SSBP3: variants seen among roughly 807,000 people sequenced by gnomAD.
SSBP3 encodes single stranded DNA binding protein 3.
A neutral mutation model predicts 69.6 loss-of-function variants in SSBP3; 5 were observed. The ratio of observed to expected loss-of-function variants is 0.07; its 90% CI spans 0.04 to 0.15. The LOEUF (loss-of-function observed/expected upper bound fraction) is 0.15, where lower values mean the gene tolerates loss of function less well. Among genes scored for constraint, SSBP3 ranks in the 10% least tolerant of loss-of-function variants. The pLI is 1.00. For missense variants in SSBP3, 312 were observed against 534.0 expected (o/e 0.58, Z 4.10); for synonymous variants, 196 against 193.4 (o/e 1.01, Z -0.11).
At chr1:54,231,840 G>A (rs1644384058) in intron 14 of SSBP3, among the ~76,000 whole-genome samples, 1 of 152,010 alleles carries the variant, frequency 6.6e-6, no homozygotes, top group African/African-American at 2.4e-5. Flanking sequence ...GACTACAGGT[G>A]CGCGCCACCA....
At chr1:54,252,870 G>A (rs907449037) in intron 7 of SSBP3, among the ~76,000 whole-genome samples, 6 of 152,224 alleles carry the variant, frequency 3.9e-5, no homozygotes, top group Admixed American at 3.3e-4. Context: ...TTCCTCATCT[G>A]CAGGTGTCAG....
intron 4 of SSBP3, among the ~76,000 whole-genome samples, chr1:54,283,361 C>A (rs1645431803): frequency 6.6e-6 from 1 of 151,998 alleles, no homozygotes; most frequent in South Asian, 2.1e-4. Context: ...CACTAATATA[C>A]TGCATGCAAC....
intron 4 of SSBP3, among the ~76,000 whole-genome samples, chr1:54,289,048 A>C (rs1248390862): frequency 2.4e-5 from 3 of 123,746 alleles, no homozygotes; most frequent in East Asian, 2.0e-4. Flanking sequence ...AAAAAAACAA[A>C]AAAAAAAAAC....
At chr1:54,249,013 C>A (rs1644780237) in intron 9 of SSBP3, among the ~76,000 whole-genome samples, 1 of 152,174 alleles carries the variant, frequency 6.6e-6, no homozygotes, top group African/African-American at 2.4e-5. Context: ...CCCTTGTACA[C>A]TGCTTGGGTG....
At chr1:54,312,949 G>A (rs1646030112) in intron 4 of SSBP3, among the ~76,000 whole-genome samples, 1 of 151,756 alleles carries the variant, frequency 6.6e-6, no homozygotes, top group Non-Finnish European at 1.5e-5. Context: ...GAGGGGGTGG[G>A]ATGGGAAGGA....
rs551528757 is a variant in SSBP3 at position 54,336,126 on chromosome 1, G to A, written c.277-54599C>T. ...AAGTTCTTCTAGCACTGGCACTCTG[G>A]ATTCTTAGCCAGGGACTTCTGTACC... On this transcript the variant is annotated intron_variant, in intron 4 of 17. Coordinates refer to ENST00000610401, the Ensembl canonical transcript of SSBP3. 2.5e-4 allele frequency among the ~76,000 whole-genome samples: 38 copies of A among 152,348 alleles called. 1 individual carries two copies. The highest frequency in any genetic ancestry group is 2.4e-3 in the Admixed American group (37 of 15,306).
intron 9 of SSBP3, among the ~76,000 whole-genome samples, chr1:54,250,545 G>C (rs1164967678): frequency 6.6e-6 from 1 of 152,114 alleles, no homozygotes; most frequent in Non-Finnish European, 1.5e-5. Flanking sequence ...CGGGAATGGG[G>C]GGGGGCACTA....
chr1:54,240,114 G>GCACA, intron 13 of SSBP3, among the ~76,000 whole-genome samples: 1 of 8,470 alleles, frequency 1.2e-4, no homozygotes, highest in Non-Finnish European at 2.1e-4. Context: ...GCGTGCGCGC[G>GCACA]CGCGCGCAAC....
At chr1:54,388,649 G>A (rs186833015) in intron 4 of SSBP3, among the ~76,000 whole-genome samples, 159 of 152,330 alleles carry the variant, frequency 1.0e-3, no homozygotes, top group Admixed American at 3.1e-3. Context: ...GCTCAGAACC[G>A]CAGGGAATAT....
At chr1:54,265,914 T>G (rs1412062280) in intron 5 of SSBP3, among the ~76,000 whole-genome samples, 1 of 152,224 alleles carries the variant, frequency 6.6e-6, no homozygotes, top group Non-Finnish European at 1.5e-5. Context: ...CTGGCTTCCC[T>G]GGACAGCCCT....
intron 4 of SSBP3, among the ~76,000 whole-genome samples, chr1:54,363,773 A>G (rs532456677): frequency 2.6e-5 from 4 of 152,370 alleles, no homozygotes; most frequent in Admixed American, 2.6e-4. Flanking sequence ...GTATAGGGAA[A>G]GGTATATTGT....
intron 4 of SSBP3, among the ~76,000 whole-genome samples, chr1:54,323,784 C>T (rs1286708882): frequency 6.6e-6 from 1 of 152,070 alleles, no homozygotes. Context: ...GACTCTAACC[C>T]AAAAGTGAGG....
At chr1:54,401,263 C>A (rs1024638529) in intron 4 of SSBP3, among the ~76,000 whole-genome samples, 4 of 152,134 alleles carry the variant, frequency 2.6e-5, no homozygotes, top group African/African-American at 9.7e-5. Flanking sequence ...GAAAGAACTA[C>A]AATCTGATGT....
intron 4 of SSBP3, among the ~76,000 whole-genome samples, chr1:54,394,740 T>TC (rs1214314789): frequency 2.8e-5 from 4 of 143,640 alleles, no homozygotes; most frequent in Non-Finnish European, 4.5e-5. Flanking sequence ...TCTGGCTCTG[T>TC]CCCCCATGCT....
chr1:54,257,079 C>A, intron 7 of SSBP3, 48 bp downstream of exon 7: 1 of 1,567,386 alleles, frequency 6.4e-7, no homozygotes, highest in Non-Finnish European at 8.7e-7. Context: ...CCACCTAGGG[C>A]CAAGGATGGC....
chr1:54,379,669 A>G (rs1284659460), intron 4 of SSBP3, among the ~76,000 whole-genome samples: 1 of 152,190 alleles, frequency 6.6e-6, no homozygotes, highest in Non-Finnish European at 1.5e-5. Flanking sequence ...CACCATCGGC[A>G]GGGACAGTAG....
chr1:54,239,756 G>C (rs1055990335), intron 13 of SSBP3, among the ~76,000 whole-genome samples: 1 of 152,204 alleles, frequency 6.6e-6, no homozygotes, highest in Non-Finnish European at 1.5e-5. Context: ...AGAGAGAGCC[G>C]GAGTGGGAGC....
At chr1:54,377,892 A>G (rs1647305017) in intron 4 of SSBP3, among the ~76,000 whole-genome samples, 1 of 152,248 alleles carries the variant, frequency 6.6e-6, no homozygotes, top group Non-Finnish European at 1.5e-5. Flanking sequence ...CTAAATTTAC[A>G]TGTTATCTGC....
intron 4 of SSBP3, among the ~76,000 whole-genome samples, chr1:54,371,695 A>G (rs760653988): frequency 6.6e-6 from 1 of 152,146 alleles, no homozygotes; most frequent in Non-Finnish European, 1.5e-5. Context: ...AAAAATGACA[A>G]CTGCGTACAG....
Sources: gnomAD v4.1 joint callset for allele counts (sites outside exome capture counted in the v4.1 genomes callset) on GRCh38, gnomAD v4.1.1 for gene constraint, MANE v1.5 for transcripts, NCBI Gene and HGNC (gene_info 2026-07-23, HGNC 2026-07-21) for gene names.